Variants in ERFL observed in about 807,000 individuals in gnomAD.
The protein encoded by ERFL is ETS repressor factor like, also known as ETS domain-containing transcription factor ERF-like.
In ERFL, 8 loss-of-function variants were observed where a neutral mutation model predicts 27.9. The ratio of observed to expected loss-of-function variants is 0.29; its 90% confidence interval spans 0.17 to 0.52. ERFL has a LOEUF of 0.52. Among genes scored for constraint, ERFL ranks in the 20% least tolerant of loss-of-function variants. ERFL has a pLI of 0.97. For synonymous variants in ERFL, 174 were observed against 202.8 expected, an observed-to-expected ratio of 0.86 and a Z score of 1.21; for missense variants, 294 against 444.4, an observed-to-expected ratio of 0.66 and a Z score of 3.04.
chr19:41,924,697 G>A (rs1480830981), intron 1 of ERFL, among the ~76,000 whole-genome samples: 1 of 152,122 alleles, frequency 6.6e-6, no homozygotes, highest in African/African-American at 2.4e-5. Context: ...TGTGCAGTGC[G>A]GGGAGCAGGT....
rs1047308820 is a variant in ERFL, at chr19:41,916,177, G to A, written c.-13-3245C>T. Among the ~76,000 whole-genome samples, 5 of 151,584 alleles carry A rather than the reference G, an allele frequency of 3.3e-5. No individual in the cohort carries two copies. Among genetic ancestry groups the A allele is most frequent in the East Asian group, 1.9e-4 (1 of 5,166 alleles). On this transcript the variant is annotated intron_variant, in intron 1 of 5. Transcript: ENST00000597630. The surrounding 1 kb of genome is among the most constrained non-coding windows in gnomAD (Gnocchi z 5.4). ...CAGACCCACACACCAACCCAGGCAC[G>A]CACACCACCACGTCCCACACAGCAC... is the stretch of plus-strand genomic sequence containing the variant.
intron 1 of ERFL, chr19:41,923,133 G>A: frequency 4.4e-6 from 2 of 456,462 alleles, no homozygotes. Context: ...GAACTGCCAT[G>A]ATGGATGCCC....
At position 41,909,736 on chromosome 19, in the gene ERFL, G is replaced by T; in HGVS notation, c.302+127C>A. 3 of 1,081,698 alleles carry T rather than the reference G, an allele frequency of 2.8e-6. No individual in the cohort carries two copies. The highest frequency in any genetic ancestry group is 3.9e-6 in the Non-Finnish European group (3 of 773,762). 67.0% of individuals were successfully genotyped at this position (1,081,698 alleles called of 1,614,324 possible). On this transcript the variant is annotated intron_variant, in intron 3 of 5. Coordinates refer to ENST00000597630, the MANE Select transcript of ERFL (RefSeq NM_001365103.2). The surrounding 1 kb of genome is among the most constrained non-coding windows in gnomAD (Gnocchi z 5.2). The stretch of plus-strand genomic sequence containing the variant: ...CTTCCACTCACAAGTAGCGATGGTG[G>T]CTACTCACGCACAGCCCTGTGCCTT...
intron 1 of ERFL, among the ~76,000 whole-genome samples, chr19:41,920,979 C>T (rs529478921): frequency 7.5e-4 from 114 of 152,358 alleles, no homozygotes; most frequent in Non-Finnish European, 1.3e-3. Context: ...CTGTCTCTCT[C>T]CCTGAGTCTC....
rs1420969417 is a variant in ERFL, at chr19:41,915,277, C to A, written c.-13-2345G>T. ...TCCGGGCCCTGCTCCCACGCTCCCC[C>A]CGCCGTGTCTCACACGCGTCTCTGC... On this transcript the variant is annotated intron_variant, in intron 1 of 5. Transcript: ENST00000597630. Among the ~76,000 whole-genome samples the A allele has an allele frequency of 3.3e-5, 5 of 151,482 alleles. No homozygotes were observed. The South Asian group carries it at 1.1e-3, about 32-fold the overall frequency.
rs545199217 is a variant in ERFL at position 41,915,944 on chromosome 19, C to T, written c.-13-3012G>A. On this transcript the variant is annotated intron_variant, in intron 1 of 5. Coordinates refer to ENST00000597630, the MANE Select transcript of ERFL (RefSeq NM_001365103.2). ...GCCACAATCCCCCACCCCCCTCCCC[C>T]CCGCCGGCCGGCGTGGTGCGGATGG... Among the ~76,000 whole-genome samples, 13 of 152,250 alleles carry T rather than the reference C, an allele frequency of 8.5e-5. No homozygotes were observed. In the East Asian group the frequency reaches 9.7e-4, roughly 11 times the overall value.
At chr19:41,914,912 C>CCCCCTCCACCATCTCTGTCTCTCCCT (rs1555851774) in intron 1 of ERFL, among the ~76,000 whole-genome samples, 2 of 104,494 alleles carry the variant, frequency 1.9e-5, no homozygotes, top group South Asian at 6.8e-4. Flanking sequence ...GTCTCTCCCT[C>CCCCCTCCACCATCTCTGTCTCTCCCT]CCCCTCCACC....
chr19:41,925,329 A>G (rs2074865401), intron 1 of ERFL, among the ~76,000 whole-genome samples: 1 of 152,116 alleles, frequency 6.6e-6, no homozygotes, highest in African/African-American at 2.4e-5. Context: ...TATGTGGGAA[A>G]GAAGAGAAGT....
intron 1 of ERFL, among the ~76,000 whole-genome samples, chr19:41,924,612 G>A (rs548349494): frequency 8.9e-4 from 135 of 152,270 alleles, no homozygotes; most frequent in African/African-American, 3.2e-3. Context: ...ACAAGCACCT[G>A]CTACTCAGAG....
At chr19:41,911,202 A>ACATGCAGAGGGGAGTACTCCACTGTCCG (rs1599671604) in intron 2 of ERFL, among the ~76,000 whole-genome samples, 1 of 151,960 alleles carries the variant, frequency 6.6e-6, no homozygotes, top group East Asian at 1.9e-4. Flanking sequence ...TCCACTGTCC[A>ACATGCAGAGGGGAGTACTCCACTGTCCG]CATACCCCCA....
chr19:41,912,954 C>CACGGGG (rs1358940550), intron 1 of ERFL, 22 bp from the exon 2 acceptor site: 3 of 1,144,456 alleles, frequency 2.6e-6, no homozygotes, highest in Non-Finnish European at 3.3e-6. Context: ...GGGAGGGACA[C>CACGGGG]ACGGGGACGG....
In ERFL at chr19:41,921,167, A is replaced by C. The variant is rs1418228080; in HGVS notation, c.-14+6873T>G. Among the ~76,000 whole-genome samples the C allele has an allele frequency of 6.6e-6, 1 of 151,694 alleles. No individual in the cohort carries two copies. The highest frequency in any genetic ancestry group is 1.5e-5 in the Non-Finnish European group (1 of 67,890). On this transcript the variant is annotated intron_variant, in intron 1 of 5. Coordinates refer to ENST00000597630, the MANE Select transcript of ERFL (RefSeq NM_001365103.2). This position sits in a 1 kb window ranked among gnomAD's most constrained non-coding sequence, Gnocchi z 4.4. ...GAGGCGCCACCGTGAGGCGAGGCGGAGGGAGGTCTGGCTGCTCCCCAACCT... is the reference window on the plus strand; with the variant it reads ...GAGGCGCCACCGTGAGGCGAGGCGGCGGGAGGTCTGGCTGCTCCCCAACCT...
chr19:41,921,179 C>T lies in ERFL; in HGVS notation c.-14+6861G>A, dbSNP rs2074840115. On this transcript the variant is annotated intron_variant, in intron 1 of 5. Coordinates refer to ENST00000597630, the MANE Select transcript of ERFL (RefSeq NM_001365103.2). This position sits in a 1 kb window ranked among gnomAD's most constrained non-coding sequence, Gnocchi z 4.4. ...TGAGGCGAGGCGGAGGGAGGTCTGG[C>T]TGCTCCCCAACCTCACTCGTGGACC... 6.6e-6 allele frequency among the ~76,000 whole-genome samples: 1 copy of T among 151,886 alleles called. No homozygotes were observed. Among genetic ancestry groups the T allele is most frequent in the Admixed American group, 6.6e-5 (1 of 15,258 alleles).
rs551805496 is a variant in ERFL, at chr19:41,921,482, G to T, written c.-14+6558C>A. ...AGCAGACTGGGAGCCACATGCACAC[G>T]CAGAGAGAAGAGAGAGACAGAGACA... On this transcript the variant is annotated intron_variant, in intron 1 of 5. Coordinates refer to ENST00000597630, the MANE Select transcript of ERFL (RefSeq NM_001365103.2). The surrounding 1 kb of genome is among the most constrained non-coding windows in gnomAD (Gnocchi z 4.4). 6.6e-6 allele frequency among the ~76,000 whole-genome samples: 1 copy of T among 152,078 alleles called. No homozygotes were observed. Among genetic ancestry groups the T allele is most frequent in the Non-Finnish European group, 1.5e-5 (1 of 68,014 alleles).
intron 1 of ERFL, among the ~76,000 whole-genome samples, chr19:41,914,747 C>CTGTCTA (rs1449837768): frequency 3.6e-5 from 1 of 28,086 alleles, no homozygotes; most frequent in Non-Finnish European, 5.5e-5. Context: ...ATCTCTGTCT[C>CTGTCTA]TCCCTCCCCT....
Position 41,916,802 on chromosome 19 carries a change from TCA to T in ERFL, c.-13-3872_-13-3871del, listed in dbSNP as rs146628376. Among the ~76,000 whole-genome samples the T allele has an allele frequency of 4.0e-5, 6 of 151,058 alleles. No homozygotes were observed. Among genetic ancestry groups the T allele is most frequent in the East Asian group, 1.9e-4 (1 of 5,156 alleles). On this transcript the variant is annotated intron_variant, in intron 1 of 5. Coordinates refer to ENST00000597630, the MANE Select transcript of ERFL (RefSeq NM_001365103.2). The surrounding 1 kb of genome is among the most constrained non-coding windows in gnomAD (Gnocchi z 5.4). The stretch of plus-strand genomic sequence containing the variant: ...CACCCATTCACAGACACAGTCACAA[TCA>T]CACACACACACCAAGATCACGGACC...
intron 1 of ERFL, among the ~76,000 whole-genome samples, chr19:41,918,705 A>T (rs1199316224): frequency 8.3e-5 from 12 of 144,712 alleles, no homozygotes; most frequent in Admixed American, 8.2e-4. Context: ...TCCGCCACAC[A>T]CCACACACAC....
At chr19:41,913,316 C>A (rs956595314) in intron 1 of ERFL, among the ~76,000 whole-genome samples, 108 of 151,488 alleles carry the variant, frequency 7.1e-4, no homozygotes, top group Non-Finnish European at 1.4e-3. Context: ...TGCCGTCTCC[C>A]GTCCCCGCTC....
chr19:41,908,789 C>T lies in ERFL; in HGVS notation c.617-113G>A. The T allele has an allele frequency of 1.9e-6, 1 of 535,704 alleles. No individual in the cohort carries two copies. The highest frequency in any genetic ancestry group is 2.8e-6 in the Non-Finnish European group (1 of 352,374). The allele number at this position is 535,704 out of a possible 1,614,324, so 33.2% of individuals were successfully genotyped here. A position where few individuals can be genotyped will look rare whatever the true frequency, so the allele number is the denominator to read the frequency against. ...ATCTCCCCGCATCCCTCCTACATGG[C>T]ATCTTACCCCCTCATACAGCTTCCC... is the stretch of plus-strand genomic sequence containing the variant. On this transcript the variant is annotated intron_variant, in intron 5 of 5. Coordinates refer to ENST00000597630, the MANE Select transcript of ERFL (RefSeq NM_001365103.2). This position sits in a 1 kb window ranked among gnomAD's most constrained non-coding sequence, Gnocchi z 6.7.
Sources: gnomAD v4.1 joint callset for allele counts (sites outside exome capture counted in the v4.1 genomes callset) on GRCh38, gnomAD v4.1.1 for gene constraint, Gnocchi (gnomAD v3.1) non-coding constraint, MANE v1.5 for transcripts, NCBI Gene and HGNC (gene_info 2026-07-23, HGNC 2026-07-21) for gene names.